The following PLEKHG2 variants were observed in gnomAD, a reference collection of about 807,000 sequenced individuals.
PLEKHG2 encodes pleckstrin homology and RhoGEF domain containing G2.
PLEKHG2 carries 71 observed loss-of-function variants against 104.4 expected under a neutral mutation model. That is an observed-to-expected ratio of 0.68 (90% CI 0.56 to 0.83). The LOEUF (loss-of-function observed/expected upper bound fraction) is 0.83, where lower values mean the gene tolerates loss of function less well. Ranked by LOEUF, PLEKHG2 falls within the 40% of genes least tolerant of loss-of-function variation. The probability of loss-of-function intolerance (pLI) is 0.00; values close to 1 mark genes in which losing one functional copy is unlikely to be tolerated. For missense variants in PLEKHG2, 1,730 were observed against 1,809.4 expected, an observed-to-expected ratio of 0.96 and a Z score of 0.80; for synonymous variants, 728 against 737.0, an observed-to-expected ratio of 0.99 and a Z score of 0.20.
At position 39,415,927 on chromosome 19, in the gene PLEKHG2, G is replaced by A. The variant is rs763573938; in HGVS notation, c.480-421G>A. On this transcript the variant is annotated intron_variant, in intron 4 of 18. Coordinates refer to ENST00000425673, the MANE Select transcript of PLEKHG2 (RefSeq NM_022835.3). The surrounding 1 kb of genome is among the most constrained non-coding windows in gnomAD (Gnocchi z 4.6). ...TCCAGTTTTAGCACTGAAAGCCCTC[G>A]TCCTAGGAAACTGCTCAGTCCCGGA... 7.2e-5 allele frequency among the ~76,000 whole-genome samples: 11 copies of A among 152,146 alleles called. No homozygotes were observed. Among genetic ancestry groups the A allele is most frequent in the Admixed American group, 1.3e-4 (2 of 15,280 alleles).
Position 39,424,324 on chromosome 19 carries a change from T to C in PLEKHG2, c.3191T>C (p.Val1064Ala), listed in dbSNP as rs749419840. The change falls in exon 19 of 19, where the codon GTT becomes GCT. Residue 1064 changes from valine (V) to alanine (A), a missense_variant. Coordinates refer to ENST00000425673, the MANE Select transcript of PLEKHG2 (RefSeq NM_022835.3). Reference sequence around the variant, plus strand: ...ACAAAGCAAGGAGGTTCCAGGGATGTTCAGGGCCCAGACCCTGTCTGCAGT... The same window carrying C: ...ACAAAGCAAGGAGGTTCCAGGGATGCTCAGGGCCCAGACCCTGTCTGCAGT... Reference protein sequence around the residue: ...PLTKQGGSRDVQGPDPVCSQP... With the variant: ...PLTKQGGSRDAQGPDPVCSQP... 11 of 1,614,032 alleles carry C rather than the reference T, an allele frequency of 6.8e-6. No individual in the cohort carries two copies. Among genetic ancestry groups the C allele is most frequent in the Non-Finnish European group, 6.8e-6 (8 of 1,180,026 alleles).
intron 7 of PLEKHG2, 98 bp from the exon 8 acceptor site, chr19:39,417,456 GC>G: frequency 6.9e-7 from 1 of 1,458,344 alleles, no homozygotes. Flanking sequence ...CCTGGCCTCT[GC>G]CCCTATCTTT....
chr19:39,414,024 C>T (rs2078561372), intron 1 of PLEKHG2, 41 bp from the exon 2 acceptor site: 4 of 1,410,456 alleles, frequency 2.8e-6, no homozygotes, highest in Admixed American at 2.0e-5. Context: ...GGCGGAGAGG[C>T]CCATGGGGTC....
In PLEKHG2 at chr19:39,416,247, C is replaced by G. The variant is rs952532538; in HGVS notation, c.480-101C>G. On this transcript the variant is annotated intron_variant, in intron 4 of 18. Transcript: ENST00000425673. The surrounding 1 kb of genome is among the most constrained non-coding windows in gnomAD (Gnocchi z 4.5). Reference sequence around the variant, plus strand: ...TTAGGAGATGCTGGCAGTCAGCAAGCCCCCAGCCCCAGCAGACCATTGGGG... The same window carrying G: ...TTAGGAGATGCTGGCAGTCAGCAAGGCCCCAGCCCCAGCAGACCATTGGGG... The G allele has an allele frequency of 2.5e-6, 3 of 1,184,318 alleles. No individual in the cohort carries two copies. Among genetic ancestry groups the G allele is most frequent in the African/African-American group, 1.5e-5 (1 of 66,338 alleles). 73.4% of individuals were successfully genotyped at this position (1,184,318 alleles called of 1,614,324 possible).
At position 39,423,355 on chromosome 19, in the gene PLEKHG2, C is replaced by T. The variant is rs749379882; in HGVS notation, c.2301C>T (p.Ile767=). The T allele has an allele frequency of 1.2e-6, 2 of 1,613,640 alleles. No individual in the cohort carries two copies. The highest frequency in any genetic ancestry group is 2.7e-5 in the African/African-American group (2 of 74,944). ...DELAFRSCSE[I]RSAWQALEQG... ...TGGCATTCCGCTCTTGCTCAGAAAT[C>T]CGGAGCGCCTGGCAGGCATTGGAAC... Residue 767 remains isoleucine, a synonymous_variant, in exon 18 of 19, where the codon ATC becomes ATT. Coordinates refer to ENST00000425673, the MANE Select transcript of PLEKHG2 (RefSeq NM_022835.3).
In PLEKHG2 at chr19:39,423,648, A is replaced by C; in HGVS notation, c.2594A>C (p.Glu865Ala). ...PSPCLPQEQA[E>A]PGLLPAFGHV... The stretch of plus-strand genomic sequence containing the variant: ...CCCTGTCTGCCCCAGGAGCAGGCAG[A>C]GCCAGGTGAGGTCCGGGTACGTGGT... The change falls in exon 18 of 19, where the codon GAG becomes GCG. Residue 865 changes from glutamate (E) to alanine (A), a missense_variant. Glu to Ala is a moderately radical substitution (Grantham distance 107, BLOSUM62 -1). Transcript: ENST00000425673. 6.5e-7 allele frequency: 1 copy of C among 1,542,468 alleles called. No individual in the cohort carries two copies. The highest frequency in any genetic ancestry group is 1.3e-5 in the South Asian group (1 of 78,574).
intron 11 of PLEKHG2, 56 bp downstream of exon 11, chr19:39,419,059 A>C: frequency 3.4e-6 from 5 of 1,487,944 alleles, no homozygotes; most frequent in Non-Finnish European, 3.6e-6. Context: ...CCCTCCCCCA[A>C]TAGTACTAAG....
In PLEKHG2 at chr19:39,423,371, G is replaced by A; in HGVS notation, c.2317G>A (p.Ala773Thr). 1.9e-6 allele frequency: 3 copies of A among 1,613,052 alleles called. No individual in the cohort carries two copies. Among genetic ancestry groups the A allele is most frequent in the Non-Finnish European group, 2.5e-6 (3 of 1,179,432 alleles). ...CTCAGAAATCCGGAGCGCCTGGCAG[G>A]CATTGGAACAGGGACAGCTGGCCCG... ...SCSEIRSAWQ[A>T]LEQGQLARPG... is the part of the protein sequence containing the mutation. Residue 773 changes from alanine (A) to threonine (T), a missense_variant, in exon 18 of 19, where the codon GCA (alanine) becomes ACA (threonine). Coordinates refer to ENST00000425673, the MANE Select transcript of PLEKHG2 (RefSeq NM_022835.3).
In PLEKHG2 at chr19:39,414,058, T is replaced by C. The variant is rs971944555; in HGVS notation, c.-22-7T>C. On this transcript the variant is annotated splice_region_variant and splice_polypyrimidine_tract_variant and intron_variant, in intron 1 of 18. Coordinates refer to ENST00000425673, the MANE Select transcript of PLEKHG2 (RefSeq NM_022835.3). Reference sequence around the variant, plus strand: ...TCCTGATATCCAAGAAGGGGCTCTTTCTGCAGGACTCTGCTGGGCCGCTCA... The same window carrying C: ...TCCTGATATCCAAGAAGGGGCTCTTCCTGCAGGACTCTGCTGGGCCGCTCA... 3.9e-6 allele frequency: 6 copies of C among 1,538,694 alleles called. No individual in the cohort carries two copies. Among genetic ancestry groups the C allele is most frequent in the Non-Finnish European group, 5.3e-6 (6 of 1,136,716 alleles).
rs745935430 is a variant in PLEKHG2 at position 39,420,608 on chromosome 19, C to A, written c.1264-18C>A. 1.2e-6 allele frequency: 2 copies of A among 1,614,030 alleles called. No individual in the cohort carries two copies. Among genetic ancestry groups the A allele is most frequent in the African/African-American group, 1.3e-5 (1 of 74,926 alleles). On this transcript the variant is annotated intron_variant, in intron 11 of 18. Coordinates refer to ENST00000425673, the MANE Select transcript of PLEKHG2 (RefSeq NM_022835.3). ...TCCAAGATCGACCCACCTCAGCCCT[C>A]ATCCTCCTGTCTTTCAGGCAAAGCA...
At position 39,416,518 on chromosome 19, in the gene PLEKHG2, C is replaced by G. The variant is rs756046067; in HGVS notation, c.547-33C>G. 8 of 1,613,650 alleles carry G rather than the reference C, an allele frequency of 5.0e-6. No homozygotes were observed. Among genetic ancestry groups the G allele is most frequent in the African/African-American group, 1.3e-5 (1 of 74,954 alleles). On this transcript the variant is annotated intron_variant, in intron 5 of 18. Transcript: ENST00000425673. This position sits in a 1 kb window ranked among gnomAD's most constrained non-coding sequence, Gnocchi z 4.5. ...AAGGGGGGTCGTGGGAAGCCAGGAC[C>G]TGGGGTCTCCCTGACTCCCATGTCA...
chr19:39,423,564 G>A lies in PLEKHG2; in HGVS notation c.2510G>A (p.Arg837Gln), dbSNP rs765493902. Residue 837 changes from arginine to glutamine, a missense_variant, in exon 18 of 19, where the codon CGG (arginine) becomes CAG (glutamine). Coordinates refer to ENST00000425673, the MANE Select transcript of PLEKHG2 (RefSeq NM_022835.3). ...CAGCAGATGCAGCGGGCGGAGACTC[G>A]GGCATCAGCCAATGCCCCGCGCCGC... ...RIQQMQRAET[R>Q]ASANAPRRRP... is the part of the protein sequence containing the mutation. The A allele has an allele frequency of 5.1e-5, 79 of 1,538,012 alleles. No homozygotes were observed. Among genetic ancestry groups the A allele is most frequent in the Non-Finnish European group, 6.7e-5 (76 of 1,142,366 alleles).
rs1254739702 is a variant in PLEKHG2 at position 39,424,849 on chromosome 19, A to G, written c.3716A>G (p.Lys1239Arg). 6.2e-7 allele frequency: 1 copy of G among 1,614,152 alleles called. No individual in the cohort carries two copies. Among genetic ancestry groups the G allele is most frequent in the East Asian group, 2.2e-5 (1 of 44,882 alleles). ...TPVQTTMVLS[K>R]PGGSLASHVA... ...GTTCAGACCACCATGGTTTTGTCCA[A>G]ACCAGGAGGCTCCTTAGCCTCTCAC... Residue 1239 changes from lysine (K) to arginine (R), a missense_variant, in exon 19 of 19, where the codon AAA (lysine) becomes AGA (arginine). Lys to Arg is a conservative substitution (Grantham distance 26, BLOSUM62 2). Coordinates refer to ENST00000425673, the MANE Select transcript of PLEKHG2 (RefSeq NM_022835.3).
rs1361916510 is a variant in PLEKHG2, at chr19:39,416,972, G to A, written c.716G>A (p.Arg239His). 2.5e-6 allele frequency: 4 copies of A among 1,612,834 alleles called. No individual in the cohort carries two copies. The highest frequency in any genetic ancestry group is 1.7e-5 in the Admixed American group (1 of 59,924). Reference protein sequence around the residue: ...LQSFLLKPVQRILKYHLLLQE... With the variant: ...LQSFLLKPVQHILKYHLLLQE... ...AGCTTCCTGCTGAAACCTGTCCAGC[G>A]CATTCTCAAGTACCATCTGCTGCTG... The change falls in exon 7 of 19, where the codon CGC becomes CAC. Residue 239 changes from arginine (R) to histidine (H), a missense_variant. Physicochemically the swap from Arg to His is conservative, Grantham distance 29. Transcript: ENST00000425673. This position sits in a 1 kb window ranked among gnomAD's most constrained non-coding sequence, Gnocchi z 4.5.
chr19:39,420,447 C>A (rs1175634677), intron 11 of PLEKHG2, among the ~76,000 whole-genome samples, 179 bp from the exon 12 acceptor site: 4 of 152,046 alleles, frequency 2.6e-5, no homozygotes, highest in Non-Finnish European at 5.9e-5. Flanking sequence ...ATCGCTTGAT[C>A]CCAGAAGTAG....
At position 39,415,633 on chromosome 19, in the gene PLEKHG2, T is replaced by C. The variant is rs1470694694; in HGVS notation, c.479+194T>C. ...GCATAGGGGATGGGAGGACCCCGAGTGAGGGAGGGGCATAGCGGATGGGAG... is the reference window on the plus strand; with the variant it reads ...GCATAGGGGATGGGAGGACCCCGAGCGAGGGAGGGGCATAGCGGATGGGAG... On this transcript the variant is annotated intron_variant, in intron 4 of 18. Coordinates refer to ENST00000425673, the MANE Select transcript of PLEKHG2 (RefSeq NM_022835.3). The surrounding 1 kb of genome is among the most constrained non-coding windows in gnomAD (Gnocchi z 4.6). 6.8e-6 allele frequency among the ~76,000 whole-genome samples: 1 copy of C among 146,154 alleles called. No individual in the cohort carries two copies. Among genetic ancestry groups the C allele is most frequent in the Non-Finnish European group, 1.5e-5 (1 of 66,304 alleles).
In PLEKHG2 at chr19:39,423,403, CT is replaced by C; in HGVS notation, c.2351del (p.Phe784SerfsTer6). 1 of 1,610,978 alleles carries C rather than the reference CT, an allele frequency of 6.2e-7. No individual in the cohort carries two copies. Among genetic ancestry groups the C allele is most frequent in the Non-Finnish European group, 8.5e-7 (1 of 1,178,522 alleles). On this transcript the variant is annotated frameshift_variant, in exon 18 of 19. Transcript: ENST00000425673. LOFTEE classifies it high-confidence loss of function. ...AACAGGGACAGCTGGCCCGGCCAGG[CT>C]TCCCAGAGCCACTGCTGATCCTGGA... ...LEQGQLARPG[F>X]PEPLLILEDS...
Position 39,415,238 on chromosome 19 carries a change from G to T in PLEKHG2, c.356G>T (p.Arg119Met). The T allele has an allele frequency of 6.3e-7, 1 of 1,587,072 alleles. No homozygotes were observed. Among genetic ancestry groups the T allele is most frequent in the Non-Finnish European group, 8.6e-7 (1 of 1,166,088 alleles). Reference protein sequence around the residue: ...EIVETERAYVRDLRSIVEDYL... With the variant: ...EIVETERAYVMDLRSIVEDYL... The stretch of plus-strand genomic sequence containing the variant: ...GTGGAGACAGAACGGGCCTATGTCA[G>T]GGACCTCCGCAGCATCGTGGAGGTA... Residue 119 changes from arginine to methionine, a missense_variant, in exon 3 of 19, where the codon AGG becomes ATG. By Grantham distance (91) the Arg-to-Met change is moderately conservative. Transcript: ENST00000425673. This position sits in a 1 kb window ranked among gnomAD's most constrained non-coding sequence, Gnocchi z 4.6.
In PLEKHG2 at chr19:39,424,769, A is replaced by G; in HGVS notation, c.3636A>G (p.Thr1212=). The change falls in exon 19 of 19, where the codon ACA becomes ACG. Residue 1212 remains threonine, a synonymous_variant. Coordinates refer to ENST00000425673, the MANE Select transcript of PLEKHG2 (RefSeq NM_022835.3). ...TAGATGCCCATGTTCCAGCTGCCAC[A>G]CCTTTACCTGAGAGAGGAGGCTCTC... ...SLIDAHVPAA[T]PLPERGGSLD... The G allele has an allele frequency of 1.9e-6, 3 of 1,614,072 alleles. No homozygotes were observed. Among genetic ancestry groups the G allele is most frequent in the Non-Finnish European group, 2.5e-6 (3 of 1,180,026 alleles).
Sources: allele counts gnomAD v4.1 joint callset (sites outside exome capture counted in the v4.1 genomes callset), GRCh38; gene constraint gnomAD v4.1.1; non-coding constraint Gnocchi (gnomAD v3.1); transcripts MANE v1.5; gene names NCBI Gene and HGNC (gene_info 2026-07-23, HGNC 2026-07-21).